The following SSH2 variants were observed in gnomAD, a reference collection of about 807,000 sequenced individuals.
SSH2 encodes the protein slingshot protein phosphatase 2.
Under a neutral mutation model 135.2 loss-of-function variants are expected in SSH2, and 37 were observed. The ratio of observed to expected loss-of-function variants is 0.27; its 90% CI spans 0.21 to 0.36. The LOEUF (loss-of-function observed/expected upper bound fraction) is 0.36. Ranked by LOEUF, SSH2 falls within the 10% of genes least tolerant of loss-of-function variation. The pLI, the probability that SSH2 is intolerant of heterozygous loss-of-function variation, is 1.00. For synonymous variants in SSH2, 628 were observed against 646.2 expected (o/e 0.97, Z 0.43); for missense variants, 1,408 against 1,765.3 (o/e 0.80, Z 3.63).
intron 1 of SSH2, among the ~76,000 whole-genome samples, chr17:29,875,144 G>A (rs2066005574): frequency 6.6e-6 from 1 of 152,142 alleles, no homozygotes; most frequent in Admixed American, 6.5e-5. Context: ...TCAACTATGT[G>A]TCATCTCCAA....
At chr17:29,797,368 A>G (rs1374123736) in intron 2 of SSH2, among the ~76,000 whole-genome samples, 1 of 152,132 alleles carries the variant, frequency 6.6e-6, no homozygotes, top group Non-Finnish European at 1.5e-5. Flanking sequence ...AAATTAGTAC[A>G]CAGGATATGA....
At chr17:29,686,054 G>A (rs2151081648) in intron 5 of SSH2, among the ~76,000 whole-genome samples, 1 of 151,922 alleles carries the variant, frequency 6.6e-6, no homozygotes, top group South Asian at 2.1e-4. Flanking sequence ...CTCCATGTTG[G>A]TCAGGCTGGT....
intron 2 of SSH2, among the ~76,000 whole-genome samples, chr17:29,823,950 C>T (rs1289107987): frequency 6.6e-6 from 1 of 151,036 alleles, no homozygotes; most frequent in Non-Finnish European, 1.5e-5. Flanking sequence ...TTTGTTTAAT[C>T]CCATCTAAAG....
At chr17:29,819,661 C>T (rs556118515) in intron 2 of SSH2, among the ~76,000 whole-genome samples, 2 of 152,160 alleles carry the variant, frequency 1.3e-5, no homozygotes, top group Non-Finnish European at 2.9e-5. Flanking sequence ...TATGTGAACA[C>T]GTGCACATTC....
intron 1 of SSH2, among the ~76,000 whole-genome samples, chr17:29,925,770 A>G (rs1246079075): frequency 1.3e-5 from 2 of 152,080 alleles, no homozygotes; most frequent in African/African-American, 4.8e-5. Context: ...TTTTCACCAC[A>G]AAAAAAGCTA....
At chr17:29,902,699 C>T (rs2066580103) in intron 1 of SSH2, among the ~76,000 whole-genome samples, 1 of 151,814 alleles carries the variant, frequency 6.6e-6, no homozygotes, top group South Asian at 2.1e-4. Flanking sequence ...TACCTCTTCC[C>T]CCCTCCCTCA....
intron 2 of SSH2, among the ~76,000 whole-genome samples, chr17:29,798,351 A>T (rs1295342681): frequency 5.3e-5 from 8 of 151,578 alleles, no homozygotes; most frequent in Admixed American, 5.3e-4. Context: ...TAAAGGTGGG[A>T]TTTCACCATA....
intron 1 of SSH2, among the ~76,000 whole-genome samples, chr17:29,928,102 AATGTTACT>A (rs2067100767): frequency 6.6e-6 from 1 of 152,208 alleles, no homozygotes; most frequent in African/African-American, 2.4e-5. Flanking sequence ...AAGGAAAATA[AATGTTACT>A]ATAGTACTGA....
intron 11 of SSH2, among the ~76,000 whole-genome samples, chr17:29,658,632 C>G (rs1202945394): frequency 6.6e-6 from 1 of 152,058 alleles, no homozygotes; most frequent in Non-Finnish European, 1.5e-5. Flanking sequence ...ACTCTGGAGG[C>G]CGAGGCAGAC....
intron 1 of SSH2, among the ~76,000 whole-genome samples, chr17:29,876,448 A>ATCCC (rs2066032335): frequency 6.6e-6 from 1 of 152,070 alleles, no homozygotes; most frequent in Non-Finnish European, 1.5e-5. Flanking sequence ...CTGGTTATTA[A>ATCCC]TCCCTCGTCA....
At chr17:29,815,151 A>G (rs2042534026) in intron 2 of SSH2, among the ~76,000 whole-genome samples, 1 of 128,532 alleles carries the variant, frequency 7.8e-6, no homozygotes, top group Admixed American at 8.5e-5. Flanking sequence ...TTTGAGACAG[A>G]GTCTCGCTCT....
chr17:29,733,624 CAAT>C (rs1483394705), intron 3 of SSH2, among the ~76,000 whole-genome samples: 4 of 151,860 alleles, frequency 2.6e-5, no homozygotes, highest in Non-Finnish European at 2.9e-5. Flanking sequence ...CATATTTAAA[CAAT>C]AGTTACCAAA....
At chr17:29,673,093 GT>G (rs1305242399) in intron 8 of SSH2, among the ~76,000 whole-genome samples, 4 of 152,040 alleles carry the variant, frequency 2.6e-5, no homozygotes, top group Non-Finnish European at 5.9e-5. Flanking sequence ...AGAAAAGTAT[GT>G]TTTTCATTAT....
At chr17:29,843,303 G>A (rs2043074972) in intron 2 of SSH2, among the ~76,000 whole-genome samples, 1 of 152,162 alleles carries the variant, frequency 6.6e-6, no homozygotes, top group African/African-American at 2.4e-5. Flanking sequence ...GGGAGGCTGA[G>A]GTGGGCAGAT....
In SSH2 at chr17:29,752,833, A is replaced by T. The variant is rs529482387; in HGVS notation, c.188+41061T>A. On this transcript the variant is annotated intron_variant, in intron 3 of 15. Coordinates refer to ENST00000540801, the MANE Select transcript of SSH2 (RefSeq NM_001282129.2). ...AGAAAAATGGTCAGAAGCACACTCA[A>T]ATCACAGAAAAAAAAAAAACCAAAA... Among the ~76,000 whole-genome samples the T allele has an allele frequency of 4.9e-4, 54 of 110,212 alleles. 1 individual carries two copies. Among genetic ancestry groups the T allele is most frequent in the Middle Eastern group, 7.9e-3 (2 of 254 alleles). The allele number at this position is 110,212 out of a possible 152,430, so 72.3% of individuals were successfully genotyped here. A position where few individuals can be genotyped will look rare whatever the true frequency, so the allele number is the denominator to read the frequency against.
At chr17:29,648,109 A>G (rs1415935664) in intron 14 of SSH2, 35 bp downstream of exon 14, 1 of 1,599,818 alleles carries the variant, frequency 6.3e-7, no homozygotes, top group South Asian at 1.1e-5. Flanking sequence ...AGGGAACTTA[A>G]AAGGAGGGAG....
At chr17:29,856,142 G>A (rs1031760732) in intron 1 of SSH2, 3 of 287,824 alleles carry the variant, frequency 1.0e-5, no homozygotes, top group South Asian at 6.4e-5. Context: ...AGATAAGGCC[G>A]GGTGTTGCTT....
intron 1 of SSH2, among the ~76,000 whole-genome samples, chr17:29,895,150 A>G (rs1483156577): frequency 6.8e-6 from 1 of 147,728 alleles, no homozygotes; most frequent in African/African-American, 2.5e-5. Context: ...TTTTATTTAT[A>G]GATCGCAGAA....
At chr17:29,699,449 G>A in intron 4 of SSH2, among the ~76,000 whole-genome samples, 1 of 152,188 alleles carries the variant, frequency 6.6e-6, no homozygotes, top group East Asian at 1.9e-4. Context: ...TGACAGCCTG[G>A]CTTTTACAAG....
Sources: gnomAD v4.1 joint callset for allele counts (sites outside exome capture counted in the v4.1 genomes callset) on GRCh38, gnomAD v4.1.1 for gene constraint, MANE v1.5 for transcripts, NCBI Gene and HGNC (gene_info 2026-07-23, HGNC 2026-07-21) for gene names.